Variants in MARCHF1 observed in about 807,000 individuals in gnomAD.
MARCHF1 encodes the protein membrane associated ring-CH-type finger 1, also known as E3 ubiquitin-protein ligase MARCHF1.
In MARCHF1, 40 loss-of-function variants were observed where a neutral mutation model predicts 54.2. The observed-to-expected ratio is 0.74, with a 90% CI of 0.57 to 0.96. MARCHF1 has a LOEUF of 0.96. MARCHF1 is among the 40% of genes least tolerant of loss of function. MARCHF1 has a pLI of 0.00. For missense variants in MARCHF1, 586 were observed against 656.5 expected (o/e 0.89, Z 1.17); for synonymous variants, 236 against 236.3 (o/e 1.00, Z 0.01).
rs376826984 is a variant in MARCHF1 at position 163,672,060 on chromosome 4, G to T, written c.162+28753C>A. ...ACTCCAGGGTTGTTTATACAAAGAG[G>T]ACTAAGAGTGCAGGCTCAGGGGTCT... On this transcript the variant is annotated intron_variant, in intron 5 of 9. Transcript: ENST00000514618. 8.5e-5 allele frequency among the ~76,000 whole-genome samples: 13 copies of T among 152,202 alleles called. No homozygotes were observed. The East Asian group carries it at 1.7e-3, about 20-fold the overall frequency.
At chr4:163,605,881 G>A (rs1219481487) in intron 7 of MARCHF1, among the ~76,000 whole-genome samples, 5 of 151,970 alleles carry the variant, frequency 3.3e-5, no homozygotes, top group African/African-American at 7.3e-5. Context: ...ACAGGGAGGG[G>A]AACATCACAC....
intron 5 of MARCHF1, among the ~76,000 whole-genome samples, chr4:163,638,433 C>T (rs1742429957): frequency 6.6e-6 from 1 of 151,938 alleles, no homozygotes; most frequent in Admixed American, 6.6e-5. Context: ...CTCTCTTGCT[C>T]CAGCTCTCAC....
At chr4:164,310,103 G>C (rs573921606) in intron 1 of MARCHF1, among the ~76,000 whole-genome samples, 3 of 151,768 alleles carry the variant, frequency 2.0e-5, no homozygotes, top group African/African-American at 7.3e-5. Flanking sequence ...TTTTGAGACA[G>C]AGTCTCGCTC....
chr4:164,220,667 C>CTATATATGCA (rs559295765), intron 1 of MARCHF1, among the ~76,000 whole-genome samples: 10 of 134,322 alleles, frequency 7.4e-5, no homozygotes, highest in African/African-American at 2.0e-4. Context: ...AATATATATG[C>CTATATATGCA]TATATGTATA....
chr4:163,778,638 G>T (rs897044374), intron 4 of MARCHF1, among the ~76,000 whole-genome samples: 1 of 151,918 alleles, frequency 6.6e-6, no homozygotes, highest in Admixed American at 6.6e-5. Context: ...AGACAATGTG[G>T]TATATATAGA....
chr4:164,331,210 C>A (rs1041492201), intron 1 of MARCHF1, among the ~76,000 whole-genome samples: 1 of 150,700 alleles, frequency 6.6e-6, no homozygotes, highest in South Asian at 2.1e-4. Context: ...TATTAAAGGC[C>A]GAGACAGAGG....
chr4:164,224,999 T>C (rs967040448), intron 1 of MARCHF1, among the ~76,000 whole-genome samples: 1 of 152,052 alleles, frequency 6.6e-6, no homozygotes, highest in Non-Finnish European at 1.5e-5. Flanking sequence ...TCTTCAGGGC[T>C]GGATTGGTTT....
intron 5 of MARCHF1, among the ~76,000 whole-genome samples, chr4:163,620,407 G>T (rs1741641076): frequency 6.6e-6 from 1 of 152,048 alleles, no homozygotes. Context: ...TTCTACTCAT[G>T]GGAATTAATT....
intron 1 of MARCHF1, among the ~76,000 whole-genome samples, chr4:164,258,469 T>G (rs1222136236): frequency 1.3e-5 from 2 of 151,776 alleles, no homozygotes; most frequent in Non-Finnish European, 2.9e-5. Context: ...GTTTCACATT[T>G]AATTATGGGT....
intron 4 of MARCHF1, among the ~76,000 whole-genome samples, chr4:163,781,694 A>T (rs1747470258): frequency 6.6e-6 from 1 of 152,196 alleles, no homozygotes; most frequent in Non-Finnish European, 1.5e-5. Context: ...ATTCCTGCAG[A>T]TCATTTTGTA....
intron 1 of MARCHF1, among the ~76,000 whole-genome samples, chr4:164,209,947 T>C (rs1579625705): frequency 6.6e-6 from 1 of 152,158 alleles, no homozygotes; most frequent in East Asian, 1.9e-4. Flanking sequence ...GATAAATAAT[T>C]AGGCCTTATT....
At position 163,759,494 on chromosome 4, in the gene MARCHF1, A is replaced by G. The variant is rs148672127; in HGVS notation, c.112-58631T>C. ...CACCAGGGCTTCTCATTTTGCTGAA[A>G]GAAAATGATTTCTTGATAATGATCA... On this transcript the variant is annotated intron_variant, in intron 4 of 9. Transcript: ENST00000514618. Among the ~76,000 whole-genome samples the G allele has an allele frequency of 2.1e-3, 315 of 152,308 alleles. 1 individual carries two copies. Among genetic ancestry groups the G allele is most frequent in the African/African-American group, 6.9e-3 (288 of 41,574 alleles).
chr4:163,542,713 A>G (rs1218455197), intron 9 of MARCHF1, among the ~76,000 whole-genome samples: 1 of 152,178 alleles, frequency 6.6e-6, no homozygotes, highest in Non-Finnish European at 1.5e-5. Context: ...CTCCACCATC[A>G]GGGTTTCATA....
intron 5 of MARCHF1, among the ~76,000 whole-genome samples, chr4:163,643,916 G>A (rs532368942): frequency 7.0e-4 from 107 of 152,246 alleles, no homozygotes; most frequent in Non-Finnish European, 1.2e-3. Context: ...GGAGATAGGA[G>A]TAATGAAGAA....
At chr4:164,033,314 T>C (rs1035981080) in intron 2 of MARCHF1, among the ~76,000 whole-genome samples, 4 of 151,742 alleles carry the variant, frequency 2.6e-5, no homozygotes, top group Admixed American at 6.6e-5. Context: ...CCCAAAACCA[T>C]AAAAACCCTA....
chr4:163,725,826 T>C (rs1033152460), intron 4 of MARCHF1, among the ~76,000 whole-genome samples: 8 of 152,198 alleles, frequency 5.3e-5, no homozygotes, highest in African/African-American at 1.9e-4. Flanking sequence ...AAATGAGATA[T>C]TATGTAAAAG....
At chr4:164,087,535 G>A (rs1363196496) in intron 2 of MARCHF1, among the ~76,000 whole-genome samples, 2 of 152,114 alleles carry the variant, frequency 1.3e-5, no homozygotes, top group African/African-American at 4.8e-5. Flanking sequence ...GACTCTCAGA[G>A]TAGCCATCGG....
intron 1 of MARCHF1, among the ~76,000 whole-genome samples, chr4:164,217,717 G>C (rs896868732): frequency 4.6e-5 from 7 of 152,142 alleles, no homozygotes; most frequent in Non-Finnish European, 1.0e-4. Context: ...AAGAGGGAAG[G>C]GCAGACTCCT....
chr4:163,913,301 T>C (rs1047172011), intron 3 of MARCHF1, among the ~76,000 whole-genome samples: 3 of 152,176 alleles, frequency 2.0e-5, no homozygotes, highest in African/African-American at 4.8e-5. Context: ...ATTATAATGT[T>C]ATTGATTAAT....
Sources: allele counts gnomAD v4.1 joint callset (sites outside exome capture counted in the v4.1 genomes callset), GRCh38; gene constraint gnomAD v4.1.1; transcripts MANE v1.5; gene names NCBI Gene and HGNC (gene_info 2026-07-23, HGNC 2026-07-21).